Variants in NDUFS8 observed in about 807,000 individuals in gnomAD.
The protein encoded by NDUFS8 is NADH:ubiquinone oxidoreductase core subunit S8.
A neutral mutation model predicts 25.6 loss-of-function variants in NDUFS8; 13 were observed. The observed-to-expected ratio is 0.51, with a 90% CI of 0.33 to 0.81. The LOEUF (loss-of-function observed/expected upper bound fraction) is 0.81, where lower values mean the gene tolerates loss of function less well. Among genes scored for constraint, NDUFS8 ranks in the 30% least tolerant of loss-of-function variants. The pLI is 0.02. For synonymous variants in NDUFS8, 119 were observed against 119.4 expected (o/e 1.00, Z 0.02); for missense variants, 257 against 300.9 (o/e 0.85, Z 1.08).
At chr11:68,033,532 G>A (rs1854815525) in intron 5 of NDUFS8, 1 of 596,820 alleles carries the variant, frequency 1.7e-6, no homozygotes, top group African/African-American at 1.9e-5. Context: ...TCCCCCTTGG[G>A]GTCTGGCCAA....
rs746707214 is a variant in NDUFS8, at chr11:68,033,406, C to T, written c.372+123C>T. On this transcript the variant is annotated intron_variant, in intron 5 of 6. Transcript: ENST00000313468. ...GCGTCCCCAGGAAGTCCCTTTCCCCCTCTGAGCCACTTCCCTCGTGAATGG... is the reference window on the plus strand; with the variant it reads ...GCGTCCCCAGGAAGTCCCTTTCCCCTTCTGAGCCACTTCCCTCGTGAATGG... 3 of 1,112,130 alleles carry T rather than the reference C, an allele frequency of 2.7e-6. No homozygotes were observed. The South Asian group carries it at 4.0e-5, about 15-fold the overall frequency. The allele number at this position is 1,112,130 out of a possible 1,614,324, so 68.9% of individuals were successfully genotyped here. A position where few individuals can be genotyped will look rare whatever the true frequency, so the allele number is the denominator to read the frequency against.
chr11:68,032,638 C>A, intron 3 of NDUFS8: 1 of 995,262 alleles, frequency 1.0e-6, no homozygotes, highest in Non-Finnish European at 1.4e-6. Flanking sequence ...GGCTCAAGCC[C>A]CCCACCTACC....
intron 5 of NDUFS8, chr11:68,035,507 T>A: frequency 3.9e-6 from 1 of 257,026 alleles, no homozygotes; most frequent in South Asian, 3.2e-5. Context: ...ACATGGTTGG[T>A]AAAATGACAT....
At chr11:68,035,967 C>T (rs557830103) in intron 5 of NDUFS8, 106 of 407,114 alleles carry the variant, frequency 2.6e-4, no homozygotes, top group African/African-American at 2.1e-3. Context: ...TGCAGTGAGC[C>T]GAGATTGTGC....
At chr11:68,033,629 T>C (rs1052748126) in intron 5 of NDUFS8, 3 of 380,164 alleles carry the variant, frequency 7.9e-6, no homozygotes, top group Non-Finnish European at 1.5e-5. Flanking sequence ...TCCGGAGTCC[T>C]GCTTGTGTGC....
Position 68,036,534 on chromosome 11 carries a change from G to A in NDUFS8, c.574G>A (p.Gly192Arg), listed in dbSNP as rs1371377502. The change falls in exon 7 of 7, where the codon GGG becomes AGG. Residue 192 changes from glycine (G) to arginine (R), a missense_variant. Coordinates refer to ENST00000313468, the MANE Select transcript of NDUFS8 (RefSeq NM_002496.4). ...CAACAAGGAGAAGTTGCTCAACAACGGGGACAAGTGGGAGGCCGAGATCGC... is the reference window on the plus strand; with the variant it reads ...CAACAAGGAGAAGTTGCTCAACAACAGGGACAAGTGGGAGGCCGAGATCGC... ...LYNKEKLLNN[G>R]DKWEAEIAAN... is the part of the protein sequence containing the mutation. 13 of 1,613,960 alleles carry A rather than the reference G, an allele frequency of 8.1e-6. No individual in the cohort carries two copies. Among genetic ancestry groups the A allele is most frequent in the South Asian group, 1.1e-5 (1 of 91,082 alleles).
intron 5 of NDUFS8, 91 bp from the exon 6 acceptor site, chr11:68,036,162 G>T (rs929412946): frequency 4.4e-6 from 7 of 1,593,696 alleles, no homozygotes; most frequent in Non-Finnish European, 6.0e-6. Flanking sequence ...GCTTCTGGCA[G>T]ACCCCAGGGG....
chr11:68,036,361 C>G lies in NDUFS8; in HGVS notation c.481C>G (p.Pro161Ala). The G allele has an allele frequency of 6.2e-7, 1 of 1,613,744 alleles. No homozygotes were observed. The highest frequency in any genetic ancestry group is 8.5e-7 in the Non-Finnish European group (1 of 1,180,008). ...IYCGFCQEAC[P>A]VDAIVEGPNF... Reference sequence around the variant, plus strand: ...CTGCGGCTTCTGCCAGGAGGCCTGTCCCGTGGATGCCATCGTCGAGGCACG... The same window carrying G: ...CTGCGGCTTCTGCCAGGAGGCCTGTGCCGTGGATGCCATCGTCGAGGCACG... Residue 161 changes from proline (P) to alanine (A), a missense_variant, in exon 6 of 7, where the codon CCC (proline) becomes GCC (alanine). By Grantham distance (27) the Pro-to-Ala change is conservative. Coordinates refer to ENST00000313468, the MANE Select transcript of NDUFS8 (RefSeq NM_002496.4).
At chr11:68,035,882 G>A (rs1352179754) in intron 5 of NDUFS8, 1 of 370,730 alleles carries the variant, frequency 2.7e-6, no homozygotes, top group Non-Finnish European at 5.3e-6. Context: ...AGCTGGGCGT[G>A]GTGATGCACA....
intron 6 of NDUFS8, 40 bp from the exon 7 acceptor site, chr11:68,036,422 C>T: frequency 6.2e-7 from 1 of 1,613,836 alleles, no homozygotes; most frequent in South Asian, 1.1e-5. Flanking sequence ...TGAGGCTCCT[C>T]AGCAGGGCCT....
chr11:68,032,539 C>T, intron 3 of NDUFS8: 7 of 1,481,678 alleles, frequency 4.7e-6, no homozygotes, highest in Non-Finnish European at 6.3e-6. Context: ...CATGTGTGAT[C>T]TCAGAGCTCC....
rs1027101576 is a variant in NDUFS8, at chr11:68,033,259, C to T, written c.348C>T (p.Leu116=). ...AGGAGCGTTGCATTGCCTGCAAGCTCTGCGAGGCCATCTGCCCCGCCCAGG... is the reference window on the plus strand; with the variant it reads ...AGGAGCGTTGCATTGCCTGCAAGCTTTGCGAGGCCATCTGCCCCGCCCAGG... ...SGEERCIACK[L]CEAICPAQAI... The change falls in exon 5 of 7, where the codon CTC becomes CTT. Residue 116 remains leucine (L), a synonymous_variant. Coordinates refer to ENST00000313468, the MANE Select transcript of NDUFS8 (RefSeq NM_002496.4). 1 of 1,608,772 alleles carries T rather than the reference C, an allele frequency of 6.2e-7. No individual in the cohort carries two copies.
At position 68,036,355 on chromosome 11, in the gene NDUFS8, G is replaced by A; in HGVS notation, c.475G>A (p.Ala159Thr). The change falls in exon 6 of 7, where the codon GCC becomes ACC. Residue 159 changes from alanine (A) to threonine (T), a missense_variant. Transcript: ENST00000313468. ...KCIYCGFCQEACPVDAIVEGP... is the reference protein window; with the variant it reads ...KCIYCGFCQETCPVDAIVEGP... ...CATCTACTGCGGCTTCTGCCAGGAG[G>A]CCTGTCCCGTGGATGCCATCGTCGA... The A allele has an allele frequency of 6.2e-7, 1 of 1,613,748 alleles. No individual in the cohort carries two copies.
intron 5 of NDUFS8, chr11:68,033,581 C>T: frequency 2.0e-6 from 1 of 493,558 alleles, no homozygotes; most frequent in Non-Finnish European, 3.7e-6. Context: ...GGGGTGACAC[C>T]TGAGGCCATC....
At chr11:68,035,943 G>A (rs532324670) in intron 5 of NDUFS8, 10 of 384,648 alleles carry the variant, frequency 2.6e-5, no homozygotes, top group Non-Finnish European at 4.5e-5. Context: ...CACTTGAACC[G>A]GGAAGGCCGA....
chr11:68,035,879 C>T (rs535306479), intron 5 of NDUFS8: 13 of 369,270 alleles, frequency 3.5e-5, no homozygotes, highest in Admixed American at 2.4e-4. Context: ...ATTAGCTGGG[C>T]GTGGTGATGC....
At chr11:68,035,271 TACA>T (rs112289143) in intron 5 of NDUFS8, 40,736 of 152,800 alleles carry the variant, frequency 0.27, 6,186 homozygotes, top group African/African-American at 0.42. Flanking sequence ...ACCCCGACTC[TACA>T]ACAACAACAA....
Position 68,032,153 on chromosome 11 carries a change from T to TG in NDUFS8, c.3dup (p.Arg2_?1). On this transcript the variant is annotated frameshift_variant and start_lost and splice_region_variant, in exon 2 of 7. Transcript: ENST00000313468. LOFTEE classifies it high-confidence loss of function. ...CTCCATCCCTTTTTATGCCACCAGA[T>TG]GCGCTGCCTGACCACGCCTATGCTG... 6.2e-7 allele frequency: 1 copy of TG among 1,612,332 alleles called. No homozygotes were observed. The highest frequency in any genetic ancestry group is 8.5e-7 in the Non-Finnish European group (1 of 1,179,982).
Position 68,036,539 on chromosome 11 carries a change from C to G in NDUFS8, c.579C>G (p.Asp193Glu), listed in dbSNP as rs1854896078. 6.2e-7 allele frequency: 1 copy of G among 1,613,968 alleles called. No individual in the cohort carries two copies. The highest frequency in any genetic ancestry group is 1.3e-5 in the African/African-American group (1 of 74,916). The change falls in exon 7 of 7, where the codon GAC becomes GAG. Residue 193 changes from aspartate to glutamate, a missense_variant. Asp to Glu is a conservative substitution (Grantham distance 45). Transcript: ENST00000313468. Reference sequence around the variant, plus strand: ...AGGAGAAGTTGCTCAACAACGGGGACAAGTGGGAGGCCGAGATCGCCGCCA... The same window carrying G: ...AGGAGAAGTTGCTCAACAACGGGGAGAAGTGGGAGGCCGAGATCGCCGCCA... ...YNKEKLLNNG[D>E]KWEAEIAANI...
Sources: gnomAD v4.1 joint callset for allele counts on GRCh38, gnomAD v4.1.1 for gene constraint, MANE v1.5 for transcripts, NCBI Gene and HGNC (gene_info 2026-07-23, HGNC 2026-07-21) for gene names.